TMOD3: variants seen among roughly 807,000 people sequenced by gnomAD.
TMOD3 encodes the protein tropomodulin 3.
In TMOD3, 20 loss-of-function variants were observed where a neutral mutation model predicts 39.2. The ratio of observed to expected loss-of-function variants is 0.51; its 90% confidence interval spans 0.36 to 0.74. The LOEUF is 0.74. TMOD3 is among the 30% of genes least tolerant of loss of function. The pLI is 0.00. For synonymous variants in TMOD3, 143 were observed against 145.8 expected, an observed-to-expected ratio of 0.98 and a Z score of 0.14; for missense variants, 381 against 412.8, an observed-to-expected ratio of 0.92 and a Z score of 0.67.
chr15:51,873,668 C>T (rs1428808993), intron 3 of TMOD3, among the ~76,000 whole-genome samples: 1 of 151,712 alleles, frequency 6.6e-6, no homozygotes, highest in South Asian at 2.1e-4. Context: ...GAGCTCTCAT[C>T]GTAAATTAAT....
chr15:51,892,435 C>T (rs2056598324), intron 5 of TMOD3: 1 of 152,192 alleles, frequency 6.6e-6, no homozygotes. Flanking sequence ...GATTTCAGGT[C>T]CTCTGTCGTT....
chr15:51,904,115 CAG>C (rs2056666123), intron 9 of TMOD3, among the ~76,000 whole-genome samples: 1 of 152,248 alleles, frequency 6.6e-6, no homozygotes, highest in African/African-American at 2.4e-5. Flanking sequence ...ATTTCACACT[CAG>C]AAACCCTGGC....
In TMOD3 at chr15:51,851,211, A is replaced by C. The variant is rs183403089; in HGVS notation, c.-74-11600A>C. Among the ~76,000 whole-genome samples, 7 of 152,328 alleles carry C rather than the reference A, an allele frequency of 4.6e-5. No homozygotes were observed. The East Asian group carries it at 1.4e-3, about 29-fold the overall frequency. On this transcript the variant is annotated intron_variant, in intron 1 of 9. Coordinates refer to ENST00000308580, the MANE Select transcript of TMOD3 (RefSeq NM_014547.5). ...CTGGGCTGTGAGAAGAAAGAAGGTC[A>C]GGGAACTCAGAGTAAGGGGATCATC...
At chr15:51,901,622 C>A in intron 8 of TMOD3, 2 of 313,436 alleles carry the variant, frequency 6.4e-6, no homozygotes, top group Non-Finnish European at 5.9e-6. Context: ...TATAAAGTTC[C>A]AGTGAGGCTG....
At chr15:51,866,021 G>T (rs939027238) in intron 2 of TMOD3, among the ~76,000 whole-genome samples, 2 of 152,126 alleles carry the variant, frequency 1.3e-5, no homozygotes, top group Admixed American at 6.5e-5. Flanking sequence ...GTCATTTTTA[G>T]TGACAATCAT....
rs553049307 is a variant in TMOD3, at chr15:51,895,982, C to T, written c.628-437C>T. ...AATTAGCTGGACCTGGTGGTGCATG[C>T]CTGTAATCTCAGCTACTTGGGAGGC... is the stretch of plus-strand genomic sequence containing the variant. On this transcript the variant is annotated intron_variant, in intron 6 of 9. Coordinates refer to ENST00000308580, the MANE Select transcript of TMOD3 (RefSeq NM_014547.5). Among the ~76,000 whole-genome samples the T allele has an allele frequency of 2.6e-5, 4 of 152,212 alleles. No individual in the cohort carries two copies. In the East Asian group the frequency reaches 7.7e-4, roughly 29 times the overall value.
chr15:51,863,692 T>G (rs1172930105), intron 2 of TMOD3, among the ~76,000 whole-genome samples: 2 of 152,220 alleles, frequency 1.3e-5, no homozygotes, highest in Non-Finnish European at 2.9e-5. Flanking sequence ...AATGGTTGTT[T>G]GCTAGGCTTC....
At chr15:51,880,147 C>T (rs544438191) in intron 3 of TMOD3, among the ~76,000 whole-genome samples, 84 of 152,096 alleles carry the variant, frequency 5.5e-4, no homozygotes, top group African/African-American at 1.8e-3. Context: ...AGATGTTTCT[C>T]GGGAAACAGC....
chr15:51,880,081 A>G (rs1173061144), intron 3 of TMOD3, among the ~76,000 whole-genome samples: 3 of 152,192 alleles, frequency 2.0e-5, no homozygotes, highest in Non-Finnish European at 1.5e-5. Context: ...TTAAATTAAT[A>G]CATGTTTAGA....
intron 8 of TMOD3, chr15:51,901,126 C>CT (rs1163250951): frequency 6.6e-6 from 1 of 152,250 alleles, no homozygotes; most frequent in African/African-American, 2.4e-5. Context: ...TGCCTGGCTT[C>CT]TTTCACCTGG....
intron 2 of TMOD3, among the ~76,000 whole-genome samples, chr15:51,868,733 C>T (rs2056459975): frequency 6.6e-6 from 1 of 152,134 alleles, no homozygotes; most frequent in African/African-American, 2.4e-5. Context: ...ACACTTTGGG[C>T]AGCCGAGGAG....
chr15:51,869,173 A>G, intron 2 of TMOD3, 44 bp from the exon 3 acceptor site: 1 of 1,598,012 alleles, frequency 6.3e-7, no homozygotes, highest in Non-Finnish European at 8.5e-7. Context: ...ATATAGCATT[A>G]GCATTCTTAT....
chr15:51,861,381 T>C (rs2056418068), intron 1 of TMOD3: 1 of 174,980 alleles, frequency 5.7e-6, no homozygotes, highest in Non-Finnish European at 1.2e-5. Context: ...GGACCCAAGG[T>C]GGTTGCTAGT....
At chr15:51,834,873 G>C (rs1377977545) in intron 1 of TMOD3, 1 of 152,086 alleles carries the variant, frequency 6.6e-6, no homozygotes, top group Non-Finnish European at 1.5e-5. Context: ...TTCTCCATTA[G>C]ATTGACTTGG....
At chr15:51,893,764 C>CAAAA in intron 5 of TMOD3, 51 bp from the exon 6 acceptor site, 22 of 1,243,968 alleles carry the variant, frequency 1.8e-5, no homozygotes, top group East Asian at 6.6e-5. Context: ...GACTCCGTCT[C>CAAAA]AAAAAAAAAA....
chr15:51,890,375 C>T lies in TMOD3; in HGVS notation c.496+1230C>T, dbSNP rs762796720. On this transcript the variant is annotated intron_variant, in intron 5 of 9. Coordinates refer to ENST00000308580, the MANE Select transcript of TMOD3 (RefSeq NM_014547.5). The stretch of plus-strand genomic sequence containing the variant: ...TTTTTTTAGTAGAGATGGGGTTTTG[C>T]GATGTTGGCCAGGCTGGTCTCGAAC... Among the ~76,000 whole-genome samples, 557 of 144,046 alleles carry T rather than the reference C, an allele frequency of 3.9e-3. 1 individual carries two copies. The highest frequency in any genetic ancestry group is 6.3e-3 in the Admixed American group (89 of 14,146). The allele number at this position is 144,046 out of a possible 152,430, so 94.5% of individuals were successfully genotyped here.
At chr15:51,864,959 C>G in intron 2 of TMOD3, among the ~76,000 whole-genome samples, 1 of 152,032 alleles carries the variant, frequency 6.6e-6, no homozygotes, top group Admixed American at 6.5e-5. Flanking sequence ...CCCAAGATGT[C>G]AAAGCATCAT....
At chr15:51,905,949 T>C (rs919937771) in intron 9 of TMOD3, among the ~76,000 whole-genome samples, 3 of 21,016 alleles carry the variant, frequency 1.4e-4, no homozygotes, top group Admixed American at 9.3e-4. Flanking sequence ...AGACTCCGTC[T>C]CAAAAAAAAA....
In TMOD3 at chr15:51,889,251, C is replaced by T. The variant is rs1162803654; in HGVS notation, c.496+106C>T. ...ACATACTAGATGTTATATATATGTA[C>T]TTGAAACCTGACATTTCAGTTTGGT... On this transcript the variant is annotated intron_variant, in intron 5 of 9. Transcript: ENST00000308580. The T allele has an allele frequency of 4.4e-6, 3 of 685,130 alleles. No individual in the cohort carries two copies. The East Asian group carries it at 8.6e-5, about 20-fold the overall frequency. The allele number at this position is 685,130 out of a possible 1,614,324, so 42.4% of individuals were successfully genotyped here. A position where few individuals can be genotyped will look rare whatever the true frequency, so the allele number is the denominator to read the frequency against.
Sources: gnomAD v4.1 joint callset for allele counts (sites outside exome capture counted in the v4.1 genomes callset) on GRCh38, gnomAD v4.1.1 for gene constraint, MANE v1.5 for transcripts, NCBI Gene and HGNC (gene_info 2026-07-23, HGNC 2026-07-21) for gene names.